The following TP53BP1 variants were observed in gnomAD, a reference collection of about 807,000 sequenced individuals.
The protein encoded by TP53BP1 is tumor protein p53 binding protein 1, also known as TP53-binding protein 1.
TP53BP1 carries 61 observed loss-of-function variants against 200.8 expected under a neutral mutation model. The observed-to-expected ratio is 0.30, with a 90% confidence interval of 0.25 to 0.38. The LOEUF is 0.38. Among genes scored for constraint, TP53BP1 ranks in the 10% least tolerant of loss-of-function variants. The probability of loss-of-function intolerance (pLI) is 1.00; values close to 1 mark genes in which losing one functional copy is unlikely to be tolerated. For missense variants in TP53BP1, 2,144 were observed against 2,371.9 expected, an observed-to-expected ratio of 0.90 and a Z score of 2.00; for synonymous variants, 822 against 844.3, an observed-to-expected ratio of 0.97 and a Z score of 0.46.
Position 43,407,495 on chromosome 15 carries a change from GCTTCAGCACA to G in TP53BP1, c.5812_5821del (p.Cys1938HisfsTer12). On this transcript the variant is annotated frameshift_variant, in exon 28 of 28. Transcript: ENST00000382044. LOFTEE classifies it high-confidence loss of function. Reference sequence around the variant, plus strand: ...TTGTGACACCACAGGCAGCTGCAATGCTTCAGCACACTTCAGCACCGAGGCTGGGCATGAG... The same window carrying G: ...TTGTGACACCACAGGCAGCTGCAATGCTTCAGCACCGAGGCTGGGCATGAG... 6.2e-7 allele frequency: 1 copy of G among 1,614,202 alleles called. No individual in the cohort carries two copies.
At chr15:43,458,206 C>T (rs1028192021) in intron 11 of TP53BP1, among the ~76,000 whole-genome samples, 2 of 149,886 alleles carry the variant, frequency 1.3e-5, no homozygotes, top group Non-Finnish European at 3.0e-5. Flanking sequence ...CCAAGGCAGG[C>T]GGATCACCTG....
At chr15:43,508,964 CTT>C (rs1203618470) in intron 1 of TP53BP1, among the ~76,000 whole-genome samples, 1 of 152,122 alleles carries the variant, frequency 6.6e-6, no homozygotes, top group Non-Finnish European at 1.5e-5. Context: ...TGTCTAGTCT[CTT>C]TGTGAGACTT....
chr15:43,457,267 A>C, intron 11 of TP53BP1, 49 bp from the exon 12 acceptor site: 1 of 1,434,052 alleles, frequency 7.0e-7, no homozygotes, highest in Non-Finnish European at 9.3e-7. Context: ...ATGATCATAT[A>C]TCTTTTATAT....
rs190969515 is a variant in TP53BP1 at position 43,436,917 on chromosome 15, G to A, written c.3191+1407C>T. Among the ~76,000 whole-genome samples the A allele has an allele frequency of 8.6e-5, 13 of 151,890 alleles. No individual in the cohort carries two copies. In the East Asian group the frequency reaches 2.3e-3, roughly 27 times the overall value. ...TTGCTCATATCTGTAATTCTAGCAC[G>A]TTGGGAAGATGAGGCAGGAGGATCA... On this transcript the variant is annotated intron_variant, in intron 16 of 27. Transcript: ENST00000382044.
intron 18 of TP53BP1, among the ~76,000 whole-genome samples, chr15:43,424,031 T>C (rs528061476): frequency 9.2e-5 from 14 of 152,344 alleles, no homozygotes; most frequent in African/African-American, 3.1e-4. Context: ...GTCTTCCCCT[T>C]GGATTTACCA....
At chr15:43,452,893 T>A (rs2046203498) in intron 12 of TP53BP1, among the ~76,000 whole-genome samples, 1 of 152,172 alleles carries the variant, frequency 6.6e-6, no homozygotes, top group African/African-American at 2.4e-5. Flanking sequence ...TTCTTTTGCA[T>A]TTAATTTAAA....
At chr15:43,415,377 T>G in intron 23 of TP53BP1, 1 of 662,142 alleles carries the variant, frequency 1.5e-6, no homozygotes, top group Non-Finnish European at 2.8e-6. Flanking sequence ...CTCAGCTAAT[T>G]CTGGCCTTGC....
At position 43,406,576 on chromosome 15, in the gene TP53BP1, A is replaced by ATATT. The variant is rs1208605366; in HGVS notation, c.*803_*806dup. ...GATCAAATGGCCCACAAAGCCTGAA[A>ATATT]TATTTACTCTTTGACCCTTTACAGA... is the stretch of plus-strand genomic sequence containing the variant. On this transcript the variant is annotated 3_prime_UTR_variant, in exon 28 of 28. Transcript: ENST00000382044. 2 of 455,854 alleles carry ATATT rather than the reference A, an allele frequency of 4.4e-6. No individual in the cohort carries two copies. Among genetic ancestry groups the ATATT allele is most frequent in the Non-Finnish European group, 8.8e-6 (2 of 226,774 alleles). The allele number at this position is 455,854 out of a possible 1,614,324, so 28.2% of individuals were successfully genotyped here.
intron 4 of TP53BP1, among the ~76,000 whole-genome samples, chr15:43,489,805 A>G (rs895148811): frequency 2.0e-5 from 3 of 152,242 alleles, no homozygotes; most frequent in Admixed American, 1.3e-4. Context: ...GCAGGCCACA[A>G]TGAGCCCATC....
At chr15:43,470,525 C>T (rs2046699838) in intron 10 of TP53BP1, among the ~76,000 whole-genome samples, 1 of 152,106 alleles carries the variant, frequency 6.6e-6, no homozygotes, top group African/African-American at 2.4e-5. Flanking sequence ...ATTATATTTG[C>T]ATTAACAATT....
In TP53BP1 at chr15:43,413,168, G is replaced by C; in HGVS notation, c.5256C>G (p.Ser1752Arg). ...TAGGACCATCTGGCAGTTTGGAGCGGCTGGCCAACTTGTCACTGGTTGTGG... is the reference window on the plus strand; with the variant it reads ...TAGGACCATCTGGCAGTTTGGAGCGCCTGGCCAACTTGTCACTGGTTGTGG... ...TMATTSDKLASRSKLPDGPTG... is the reference protein window; with the variant it reads ...TMATTSDKLARRSKLPDGPTG... Residue 1752 changes from serine (S) to arginine (R), a missense_variant, in exon 24 of 28, where the codon AGC (serine) becomes AGG (arginine). Ser to Arg is a moderately radical substitution (Grantham distance 110, BLOSUM62 -1). Around this residue, in one of 4 missense-constraint regions of TP53BP1, gnomAD observed 334 missense variants for 453.4 expected, o/e 0.74. Transcript: ENST00000382044. 1 of 1,614,148 alleles carries C rather than the reference G, an allele frequency of 6.2e-7. No individual in the cohort carries two copies. The highest frequency in any genetic ancestry group is 8.5e-7 in the Non-Finnish European group (1 of 1,180,028).
chr15:43,455,618 G>A (rs560077716), intron 12 of TP53BP1, among the ~76,000 whole-genome samples: 80 of 152,098 alleles, frequency 5.3e-4, no homozygotes, highest in African/African-American at 1.8e-3. Context: ...TACTTGGGAG[G>A]CTGAGGCACG....
At chr15:43,485,349 G>A (rs542441421) in intron 4 of TP53BP1, among the ~76,000 whole-genome samples, 52 of 151,658 alleles carry the variant, frequency 3.4e-4, no homozygotes, top group African/African-American at 1.1e-3. Context: ...AGGCTGAGGC[G>A]GGCGGATCAC....
intron 12 of TP53BP1, 53 bp downstream of exon 12, chr15:43,455,839 C>T: frequency 1.3e-6 from 2 of 1,596,428 alleles, no homozygotes; most frequent in African/African-American, 2.7e-5. Flanking sequence ...GCCAACTTTC[C>T]ATTCCAGATT....
intron 11 of TP53BP1, among the ~76,000 whole-genome samples, chr15:43,464,825 T>C (rs1317927900): frequency 1.3e-5 from 2 of 151,984 alleles, no homozygotes; most frequent in African/African-American, 4.8e-5. Flanking sequence ...GGAGAATCGC[T>C]TGAACCTGGG....
At chr15:43,460,860 C>CAAAA (rs35104408) in intron 11 of TP53BP1, among the ~76,000 whole-genome samples, 1 of 133,178 alleles carries the variant, frequency 7.5e-6, no homozygotes, top group Non-Finnish European at 1.6e-5. Context: ...CTGTCTCTAC[C>CAAAA]AAAAAAAAAA....
chr15:43,422,132 A>G lies in TP53BP1; in HGVS notation c.3829-6T>C, dbSNP rs562882232. 1 of 1,612,044 alleles carries G rather than the reference A, an allele frequency of 6.2e-7. No individual in the cohort carries two copies. Among genetic ancestry groups the G allele is most frequent in the South Asian group, 1.1e-5 (1 of 90,814 alleles). On this transcript the variant is annotated splice_polypyrimidine_tract_variant and splice_region_variant and intron_variant, in intron 18 of 27. Coordinates refer to ENST00000382044, the MANE Select transcript of TP53BP1 (RefSeq NM_001141980.3). ...ACAATTGGCTCTTCAGTCTCCTGCAAGGAAAAAATAGATACAGAAGATAAA... is the reference window on the plus strand; with the variant it reads ...ACAATTGGCTCTTCAGTCTCCTGCAGGGAAAAAATAGATACAGAAGATAAA...
At chr15:43,478,333 A>C (rs2078913641) in intron 7 of TP53BP1, among the ~76,000 whole-genome samples, 1 of 152,196 alleles carries the variant, frequency 6.6e-6, no homozygotes, top group African/African-American at 2.4e-5. Context: ...TCCCCAGGGT[A>C]AACAGAATAG....
chr15:43,432,779 C>T (rs1332985405), intron 16 of TP53BP1, 102 bp from the exon 17 acceptor site: 4 of 1,295,974 alleles, frequency 3.1e-6, no homozygotes, highest in Admixed American at 2.5e-5. Context: ...AAGGGGGGAG[C>T]CATATTTTGA....
Sources: gnomAD v4.1 joint callset for allele counts (sites outside exome capture counted in the v4.1 genomes callset) on GRCh38, gnomAD v4.1.1 for gene constraint, gnomAD v4.1.1 regional missense constraint, MANE v1.5 for transcripts, NCBI Gene and HGNC (gene_info 2026-07-23, HGNC 2026-07-21) for gene names.